Variants in FAM193B observed in about 807,000 individuals in gnomAD.
FAM193B encodes the protein family with sequence similarity 193 member B.
Under a neutral mutation model 70.7 loss-of-function variants are expected in FAM193B, and 27 were observed. The ratio of observed to expected loss-of-function variants is 0.38; its 90% CI spans 0.28 to 0.53. The LOEUF (loss-of-function observed/expected upper bound fraction) is 0.53, where lower values mean the gene tolerates loss of function less well. Ranked by LOEUF, FAM193B falls within the 20% of genes least tolerant of loss-of-function variation. The probability of loss-of-function intolerance (pLI) is 0.81; values close to 1 mark genes in which losing one functional copy is unlikely to be tolerated. For synonymous variants in FAM193B, 448 were observed against 436.0 expected (o/e 1.03, Z -0.34); for missense variants, 1,022 against 1,072.5 (o/e 0.95, Z 0.66).
chr5:177,553,527 T>G lies in FAM193B; in HGVS notation c.210+722A>C, dbSNP rs1446819226. On this transcript the variant is annotated intron_variant, in intron 1 of 8. Coordinates refer to ENST00000514747, the MANE Select transcript of FAM193B (RefSeq NM_001190946.3). ...GTTATCTCCTTTGCTCAAAAGAAAG[T>G]GACCTTCTTCCAGGTGGCAAGCTGG... 2.6e-6 allele frequency: 3 copies of G among 1,144,336 alleles called. No individual in the cohort carries two copies. The East Asian group carries it at 2.2e-4, about 83-fold the overall frequency. The allele number at this position is 1,144,336 out of a possible 1,614,324, so 70.9% of individuals were successfully genotyped here. A position where few individuals can be genotyped will look rare whatever the true frequency, so the allele number is the denominator to read the frequency against.
rs145721975 is a variant in FAM193B, at chr5:177,538,644, G to A, written c.453+261C>T. On this transcript the variant is annotated intron_variant, in intron 2 of 8. Coordinates refer to ENST00000514747, the MANE Select transcript of FAM193B (RefSeq NM_001190946.3). The surrounding 1 kb of genome is among the most constrained non-coding windows in gnomAD (Gnocchi z 4.1). Reference sequence around the variant, plus strand: ...CCACAGAGCCGAAGGCAGCAGGCTCGTGATCTACCAGTACCTATGAGTGGG... The same window carrying A: ...CCACAGAGCCGAAGGCAGCAGGCTCATGATCTACCAGTACCTATGAGTGGG... 1.3e-5 allele frequency among the ~76,000 whole-genome samples: 2 copies of A among 152,192 alleles called. No individual in the cohort carries two copies. Among genetic ancestry groups the A allele is most frequent in the Admixed American group, 6.5e-5 (1 of 15,286 alleles).
At chr5:177,541,248 C>G (rs1364001147) in intron 1 of FAM193B, among the ~76,000 whole-genome samples, 1 of 152,146 alleles carries the variant, frequency 6.6e-6, no homozygotes, top group Non-Finnish European at 1.5e-5. Context: ...CTTTCCATAG[C>G]TACGAAGTGC....
At chr5:177,549,897 G>A (rs1342785991) in intron 1 of FAM193B, among the ~76,000 whole-genome samples, 3 of 152,176 alleles carry the variant, frequency 2.0e-5, no homozygotes, top group Admixed American at 6.5e-5. Flanking sequence ...CATGTATTGA[G>A]TATATAAGGT....
At chr5:177,545,321 G>A (rs1053755376) in intron 1 of FAM193B, among the ~76,000 whole-genome samples, 2 of 152,166 alleles carry the variant, frequency 1.3e-5, no homozygotes, top group Non-Finnish European at 2.9e-5. Flanking sequence ...TGGCATTACA[G>A]GCATGAGCCA....
At chr5:177,537,847 G>C (rs777947757) in intron 3 of FAM193B, 26 bp downstream of exon 3, 1 of 1,595,620 alleles carries the variant, frequency 6.3e-7, no homozygotes, top group Non-Finnish European at 8.6e-7. Flanking sequence ...ATAGGGCCTG[G>C]CTCTCTCCCG....
chr5:177,528,550 A>G (rs1002859297), intron 5 of FAM193B, among the ~76,000 whole-genome samples: 1 of 152,234 alleles, frequency 6.6e-6, no homozygotes, highest in African/African-American at 2.4e-5. Context: ...AGTACCGCAC[A>G]GGCCTTAGGC....
At chr5:177,536,177 C>T (rs1001698947) in intron 4 of FAM193B, 181 bp downstream of exon 4, 26 of 669,122 alleles carry the variant, frequency 3.9e-5, no homozygotes, top group African/African-American at 1.9e-5. Flanking sequence ...ACTCCCAAAG[C>T]GCTAGGAGTA....
chr5:177,535,768 A>G (rs1764090199), intron 4 of FAM193B, among the ~76,000 whole-genome samples: 1 of 152,230 alleles, frequency 6.6e-6, no homozygotes, highest in Admixed American at 6.5e-5. Flanking sequence ...GGTATATCAA[A>G]TATCTAAGTA....
chr5:177,525,996 C>T (rs555181237), intron 5 of FAM193B, among the ~76,000 whole-genome samples: 7 of 152,338 alleles, frequency 4.6e-5, no homozygotes, highest in South Asian at 2.1e-4. Context: ...AAAAAACCCT[C>T]GGGAAGGAGG....
chr5:177,523,825 G>C lies in FAM193B; in HGVS notation c.2372+132C>G, dbSNP rs555115202. On this transcript the variant is annotated intron_variant, in intron 7 of 8. Transcript: ENST00000514747. ...AGGCTGGTGGGAGAGGGCCTGGGGGGGCGGTGAGCCTCCCCAAGGGGTCAG... is the reference window on the plus strand; with the variant it reads ...AGGCTGGTGGGAGAGGGCCTGGGGGCGCGGTGAGCCTCCCCAAGGGGTCAG... The C allele has an allele frequency of 1.5e-3, 1,346 of 926,464 alleles. 3 individuals carry two copies. Among genetic ancestry groups the C allele is most frequent in the Admixed American group, 2.0e-3 (92 of 45,240 alleles). 57.4% of individuals were successfully genotyped at this position (926,464 alleles called of 1,614,324 possible). A position where few individuals can be genotyped will look rare whatever the true frequency, so the allele number is the denominator to read the frequency against.
chr5:177,547,828 T>G (rs984375584), intron 1 of FAM193B, among the ~76,000 whole-genome samples: 9 of 152,170 alleles, frequency 5.9e-5, no homozygotes, highest in Non-Finnish European at 8.8e-5. Context: ...TAAAGGGAGC[T>G]AAGGGCCTTT....
rs1418552661 is a variant in FAM193B at position 177,539,045 on chromosome 5, G to C, written c.313C>G (p.Gln105Glu). The change falls in exon 2 of 9, where the codon CAG becomes GAG. Residue 105 changes from glutamine (Q) to glutamate (E), a missense_variant. By Grantham distance (29) the Gln-to-Glu change is conservative. Coordinates refer to ENST00000514747, the MANE Select transcript of FAM193B (RefSeq NM_001190946.3). ...EGPSQNGLVL[Q>E]GEKLPPDFMP... ...AAGTCAGGGGGCAGCTTCTCACCCT[G>C]CAACACCAGTCCATTTTGAGAAGGG... 1.2e-6 allele frequency: 2 copies of C among 1,613,976 alleles called. No homozygotes were observed. Among genetic ancestry groups the C allele is most frequent in the Admixed American group, 3.3e-5 (2 of 60,020 alleles).
intron 8 of FAM193B, among the ~76,000 whole-genome samples, 172 bp downstream of exon 8, chr5:177,521,802 C>T (rs1004425763): frequency 2.0e-5 from 3 of 152,152 alleles, no homozygotes; most frequent in Non-Finnish European, 4.4e-5. Context: ...GGGGCCTTGA[C>T]CTTTGGAGGC....
intron 7 of FAM193B, 66 bp downstream of exon 7, chr5:177,523,891 C>G: frequency 6.3e-7 from 1 of 1,575,054 alleles, no homozygotes. Context: ...AGGCACAACA[C>G]AGGGCTTGAG....
chr5:177,536,711 G>C lies in FAM193B; in HGVS notation c.723C>G (p.His241Gln), dbSNP rs567733299. 6.4e-7 allele frequency: 1 copy of C among 1,560,036 alleles called. No homozygotes were observed. The highest frequency in any genetic ancestry group is 8.7e-7 in the Non-Finnish European group (1 of 1,154,034). The change falls in exon 4 of 9, where the codon CAC becomes CAG. Residue 241 changes from histidine to glutamine, a missense_variant. His to Gln is a conservative substitution (Grantham distance 24, BLOSUM62 0). Coordinates refer to ENST00000514747, the MANE Select transcript of FAM193B (RefSeq NM_001190946.3). ...TGTTAGGGGGAGCAGTGAGGTCTGA[G>C]TGCTGGTGGTGCTCCGAGACGGGGA... ...EAFPVSEHHQ[H>Q]SDLTAPPNSP...
chr5:177,532,661 C>A lies in FAM193B; in HGVS notation c.1077-20G>T. On this transcript the variant is annotated intron_variant, in intron 4 of 8. Transcript: ENST00000514747. The surrounding 1 kb of genome is among the most constrained non-coding windows in gnomAD (Gnocchi z 4.9). ...GGATCCCTGATGATGGGGAGGAAGG[C>A]CCAGAGGTGAGGCAGGGTGATGCAG... The A allele has an allele frequency of 2.0e-6, 3 of 1,513,024 alleles. No homozygotes were observed. Among genetic ancestry groups the A allele is most frequent in the Non-Finnish European group, 2.6e-6 (3 of 1,139,252 alleles). The allele number at this position is 1,513,024 out of a possible 1,614,324, so 93.7% of individuals were successfully genotyped here.
intron 7 of FAM193B, 147 bp from the exon 8 acceptor site, chr5:177,522,218 A>G (rs1761859468): frequency 1.6e-6 from 1 of 630,972 alleles, no homozygotes; most frequent in African/African-American, 1.8e-5. Flanking sequence ...TTTAGCAGGC[A>G]TAGGAGCTTT....
Position 177,546,737 on chromosome 5 carries a change from T to C in FAM193B, c.210+7512A>G, listed in dbSNP as rs541332087. Among the ~76,000 whole-genome samples the C allele has an allele frequency of 2.0e-5, 3 of 152,366 alleles. No individual in the cohort carries two copies. In the South Asian group the frequency reaches 6.2e-4, roughly 32 times the overall value. ...AGGAGGTAGAACAGCTGTTTCACAC[T>C]ACGAGACTAGTCAGTGGAGAATCCT... is the stretch of plus-strand genomic sequence containing the variant. On this transcript the variant is annotated intron_variant, in intron 1 of 8. Transcript: ENST00000514747.
Position 177,521,857 on chromosome 5 carries a change from C to T in FAM193B, c.*1+117G>A, listed in dbSNP as rs927783429. 100 of 749,152 alleles carry T rather than the reference C, an allele frequency of 1.3e-4. 1 individual carries two copies. In the Middle Eastern group the frequency reaches 2.5e-3, roughly 19 times the overall value. 46.4% of individuals were successfully genotyped at this position (749,152 alleles called of 1,614,324 possible). On this transcript the variant is annotated intron_variant, in intron 8 of 8. Transcript: ENST00000514747. ...GAAGATGCAGACAGAAGCCAGGGAT[C>T]CCATGCCCCAAGTCCAACTCCCTGT...
Sources: allele counts gnomAD v4.1 joint callset (sites outside exome capture counted in the v4.1 genomes callset), GRCh38; gene constraint gnomAD v4.1.1; non-coding constraint Gnocchi (gnomAD v3.1); transcripts MANE v1.5; gene names NCBI Gene and HGNC (gene_info 2026-07-23, HGNC 2026-07-21).